The following LGR6 variants were observed in gnomAD, a reference collection of about 807,000 sequenced individuals.
The protein encoded by LGR6 is leucine rich repeat containing G protein-coupled receptor 6, also known as leucine-rich repeat-containing G protein-coupled receptor 6.
LGR6 carries 45 observed loss-of-function variants against 69.4 expected under a neutral mutation model. That is an observed-to-expected ratio of 0.65 (90% CI 0.51 to 0.83). The LOEUF (loss-of-function observed/expected upper bound fraction) is 0.83. Among genes scored for constraint, LGR6 ranks in the 40% least tolerant of loss-of-function variants. LGR6 has a pLI of 0.00. For synonymous variants in LGR6, 538 were observed against 555.0 expected (o/e 0.97, Z 0.43); for missense variants, 1,108 against 1,246.7 (o/e 0.89, Z 1.68).
At chr1:202,209,811 C>A (rs975009991) in intron 1 of LGR6, among the ~76,000 whole-genome samples, 1 of 152,140 alleles carries the variant, frequency 6.6e-6, no homozygotes, top group African/African-American at 2.4e-5. Flanking sequence ...CCAGAATCTT[C>A]ATTTTAGGGT....
At chr1:202,244,331 G>A (rs1662469978) in intron 4 of LGR6, among the ~76,000 whole-genome samples, 1 of 152,200 alleles carries the variant, frequency 6.6e-6, no homozygotes, top group Non-Finnish European at 1.5e-5. Flanking sequence ...TGTTACAGAA[G>A]AAAAGGATGT....
Position 202,236,230 on chromosome 1 carries a change from G to A in LGR6, c.428+237G>A. 8 of 549,492 alleles carry A rather than the reference G, an allele frequency of 1.5e-5. No individual in the cohort carries two copies. In the South Asian group the frequency reaches 1.7e-4, roughly 12 times the overall value. 34.0% of individuals were successfully genotyped at this position (549,492 alleles called of 1,614,324 possible). On this transcript the variant is annotated intron_variant, in intron 4 of 17. Coordinates refer to ENST00000367278, the MANE Select transcript of LGR6 (RefSeq NM_001017403.2). ...AAAAGAGTGCTCCCACGCCCCACTG[G>A]GGGACTGTGGGAATGGGACCTCCCT... is the stretch of plus-strand genomic sequence containing the variant.
chr1:202,284,755 C>T (rs141004731), intron 6 of LGR6, among the ~76,000 whole-genome samples: 75 of 152,280 alleles, frequency 4.9e-4, no homozygotes, highest in East Asian at 4.6e-3. Context: ...ACAATTGCAT[C>T]CTAAAGGGCC....
At chr1:202,227,886 C>T (rs781217150) in intron 2 of LGR6, 50 bp from the exon 3 acceptor site, 2 of 1,361,522 alleles carry the variant, frequency 1.5e-6, no homozygotes, top group Admixed American at 3.4e-5. Flanking sequence ...GAGGTCACCA[C>T]CTCCTTGGGT....
rs766863923 is a variant in LGR6, at chr1:202,318,085, G to A, written c.1782G>A (p.Leu594=). The change falls in exon 18 of 18, where the codon CTG becomes CTA. Residue 594 remains leucine, a synonymous_variant. Transcript: ENST00000367278. Reference sequence around the variant, plus strand: ...TGTTCGCTGGCGGGCCTGTCCCCCTGCCCCCGGTCAAGTTTGTGGTAGGTG... The same window carrying A: ...TGTTCGCTGGCGGGCCTGTCCCCCTACCCCCGGTCAAGTTTGTGGTAGGTG... ...LTVFAGGPVP[L]PPVKFVVGAI... 3 of 1,614,126 alleles carry A rather than the reference G, an allele frequency of 1.9e-6. No homozygotes were observed. The South Asian group carries it at 3.3e-5, about 18-fold the overall frequency.
At chr1:202,301,286 C>G in intron 9 of LGR6, 51 bp downstream of exon 9, 5 of 1,440,234 alleles carry the variant, frequency 3.5e-6, no homozygotes, top group Non-Finnish European at 3.9e-6. Context: ...CCTTTCCTCA[C>G]TCCTTCTTGC....
rs753423314 is a variant in LGR6, at chr1:202,318,643, C to T, written c.2340C>T (p.Phe780=). 61 of 1,613,690 alleles carry T rather than the reference C, an allele frequency of 3.8e-5. No individual in the cohort carries two copies. Among genetic ancestry groups the T allele is most frequent in the Non-Finnish European group, 4.2e-5 (49 of 1,179,998 alleles). ...TGAGGCACGTGGCCTGGCTCATCTT[C>T]GCAGACGGGCTCCTCTACTGTCCCG... is the stretch of plus-strand genomic sequence containing the variant. The part of the protein sequence containing the change: ...AMVRHVAWLI[F]ADGLLYCPVA... Residue 780 remains phenylalanine, a synonymous_variant, in exon 18 of 18, where the codon TTC becomes TTT. Transcript: ENST00000367278.
chr1:202,196,540 C>G (rs1557999869), intron 1 of LGR6, among the ~76,000 whole-genome samples: 1 of 152,298 alleles, frequency 6.6e-6, no homozygotes, highest in East Asian at 1.9e-4. Context: ...TGGTTCCTTC[C>G]TAGCTCTGCC....
chr1:202,284,931 A>G (rs1042076227), intron 6 of LGR6, among the ~76,000 whole-genome samples: 1 of 152,180 alleles, frequency 6.6e-6, no homozygotes, highest in African/African-American at 2.4e-5. Context: ...ATCAGGCCCA[A>G]CTGGAGCCCT....
At position 202,268,514 on chromosome 1, in the gene LGR6, A is replaced by G. The variant is rs373375302; in HGVS notation, c.429-7792A>G. ...CTTCCACCCTCCATTCTGTACTCCA[A>G]CCAGAGACTGAGATGTCCCCCTCCC... On this transcript the variant is annotated intron_variant, in intron 4 of 17. Coordinates refer to ENST00000367278, the MANE Select transcript of LGR6 (RefSeq NM_001017403.2). The surrounding 1 kb of genome is among the most constrained non-coding windows in gnomAD (Gnocchi z 4.4). Among the ~76,000 whole-genome samples, 8 of 151,120 alleles carry G rather than the reference A, an allele frequency of 5.3e-5. No individual in the cohort carries two copies. The highest frequency in any genetic ancestry group is 1.2e-4 in the African/African-American group (5 of 41,048).
intron 1 of LGR6, among the ~76,000 whole-genome samples, chr1:202,203,206 C>A (rs550787856): frequency 6.6e-6 from 1 of 152,238 alleles, no homozygotes; most frequent in African/African-American, 2.4e-5. Flanking sequence ...GCCCCCCTAC[C>A]TGAGTTATTA....
chr1:202,274,065 C>T (rs553662508), intron 4 of LGR6, among the ~76,000 whole-genome samples: 16 of 152,050 alleles, frequency 1.1e-4, no homozygotes, highest in Middle Eastern at 3.4e-3. Flanking sequence ...CATCTGCAGA[C>T]GGGGGAAAGC....
At chr1:202,310,622 G>A (rs1394422762) in intron 16 of LGR6, among the ~76,000 whole-genome samples, 2 of 152,114 alleles carry the variant, frequency 1.3e-5, no homozygotes, top group Admixed American at 6.5e-5. Flanking sequence ...GCCCTTTGCA[G>A]TTCACAAAGT....
chr1:202,276,464 A>T lies in LGR6; in HGVS notation c.587A>T (p.Asn196Ile). 1 of 1,614,128 alleles carries T rather than the reference A, an allele frequency of 6.2e-7. No individual in the cohort carries two copies. Among genetic ancestry groups the T allele is most frequent in the East Asian group, 2.2e-5 (1 of 44,880 alleles). Residue 196 changes from asparagine to isoleucine, a missense_variant, in exon 5 of 18, where the codon AAC (asparagine) becomes ATC (isoleucine). Asn to Ile is a moderately radical substitution (Grantham distance 149). Coordinates refer to ENST00000367278, the MANE Select transcript of LGR6 (RefSeq NM_001017403.2). ...CTGCAGGCCATGACCCTGGCCCTCA[A>T]CCGCATCAGCCACATCCCCGACTAC... is the stretch of plus-strand genomic sequence containing the variant. Reference protein sequence around the residue: ...PALQAMTLALNRISHIPDYAF... With the variant: ...PALQAMTLALIRISHIPDYAF...
At chr1:202,288,042 C>T (rs1365315610) in intron 6 of LGR6, among the ~76,000 whole-genome samples, 4 of 152,234 alleles carry the variant, frequency 2.6e-5, no homozygotes, top group Non-Finnish European at 5.9e-5. Context: ...TCTACAAGGC[C>T]TCAGATGCTG....
At chr1:202,315,389 A>G (rs978919976) in intron 17 of LGR6, among the ~76,000 whole-genome samples, 7 of 152,220 alleles carry the variant, frequency 4.6e-5, no homozygotes, top group African/African-American at 1.7e-4. Flanking sequence ...TCCTTACAGC[A>G]CCATCTAACG....
At chr1:202,275,177 G>A (rs555741588) in intron 4 of LGR6, among the ~76,000 whole-genome samples, 2 of 152,332 alleles carry the variant, frequency 1.3e-5, no homozygotes, top group South Asian at 2.1e-4. Flanking sequence ...TGTGGGTAAG[G>A]CTGGGGTTTC....
chr1:202,202,184 A>G (rs537751148), intron 1 of LGR6, among the ~76,000 whole-genome samples: 1 of 152,128 alleles, frequency 6.6e-6, no homozygotes, highest in Non-Finnish European at 1.5e-5. Flanking sequence ...GAGGAACCAC[A>G]TTGGGGCTTT....
At chr1:202,263,119 T>C (rs1432774901) in intron 4 of LGR6, among the ~76,000 whole-genome samples, 1 of 152,096 alleles carries the variant, frequency 6.6e-6, no homozygotes, top group Non-Finnish European at 1.5e-5. Flanking sequence ...TTCAGAGTTA[T>C]GATCATCTTT....
Sources: allele counts gnomAD v4.1 joint callset (sites outside exome capture counted in the v4.1 genomes callset), GRCh38; gene constraint gnomAD v4.1.1; non-coding constraint Gnocchi (gnomAD v3.1); transcripts MANE v1.5; gene names NCBI Gene and HGNC (gene_info 2026-07-23, HGNC 2026-07-21).